Variants in MEF2A observed in about 807,000 individuals in gnomAD.
MEF2A encodes myocyte enhancer factor 2A, also known as myocyte-specific enhancer factor 2A.
A neutral mutation model predicts 55.8 loss-of-function variants in MEF2A; 28 were observed. That is an observed-to-expected ratio of 0.50 (90% confidence interval 0.37 to 0.69). MEF2A has a LOEUF of 0.69. MEF2A is among the 30% of genes least tolerant of loss of function. The pLI is 0.00. For synonymous variants in MEF2A, 239 were observed against 227.1 expected (o/e 1.05, Z -0.47); for missense variants, 528 against 626.2 (o/e 0.84, Z 1.67).
At chr15:99,636,803 CT>C (rs34219550) in intron 3 of MEF2A, among the ~76,000 whole-genome samples, 2 of 151,058 alleles carry the variant, frequency 1.3e-5, no homozygotes, top group African/African-American at 4.9e-5. Context: ...TGTAAGGACT[CT>C]TTTTTTTTAA....
At chr15:99,604,466 G>C (rs561475604) in intron 2 of MEF2A, among the ~76,000 whole-genome samples, 1 of 151,578 alleles carries the variant, frequency 6.6e-6, no homozygotes, top group South Asian at 2.1e-4. Context: ...TTTCATTTCT[G>C]GAAGTTTTAT....
At chr15:99,710,812 CT>C (rs2058562345) in intron 11 of MEF2A, 52 bp downstream of exon 11, 11 of 1,555,074 alleles carry the variant, frequency 7.1e-6, no homozygotes, top group Non-Finnish European at 9.7e-6. Flanking sequence ...TACACACTCT[CT>C]TTTCCTATCA....
intron 1 of MEF2A, among the ~76,000 whole-genome samples, chr15:99,567,084 T>C (rs972375674): frequency 4.6e-5 from 7 of 152,194 alleles, no homozygotes; most frequent in Admixed American, 4.6e-4. Flanking sequence ...AACTATAGAA[T>C]TGTTGCTCAC....
intron 8 of MEF2A, among the ~76,000 whole-genome samples, chr15:99,697,090 G>T (rs2056593661): frequency 6.6e-6 from 1 of 151,588 alleles, no homozygotes; most frequent in African/African-American, 2.4e-5. Context: ...TAATAGAAAG[G>T]AACTTAATAA....
At chr15:99,693,943 C>T (rs1173561281) in intron 8 of MEF2A, among the ~76,000 whole-genome samples, 1 of 152,202 alleles carries the variant, frequency 6.6e-6, no homozygotes, top group Non-Finnish European at 1.5e-5. Flanking sequence ...CCCCACACAT[C>T]ATTTTTTCTA....
intron 2 of MEF2A, among the ~76,000 whole-genome samples, chr15:99,614,010 A>T (rs999947498): frequency 1.3e-5 from 2 of 152,150 alleles, no homozygotes; most frequent in Non-Finnish European, 2.9e-5. Flanking sequence ...ATGTACTGTT[A>T]TGGAAAAAGA....
chr15:99,673,842 G>A (rs2051353699), intron 5 of MEF2A, among the ~76,000 whole-genome samples: 1 of 145,682 alleles, frequency 6.9e-6, no homozygotes, highest in African/African-American at 2.5e-5. Context: ...AAATTGCATT[G>A]TTATGTATAT....
intron 2 of MEF2A, 38 bp from the exon 3 acceptor site, chr15:99,632,940 T>G: frequency 2.0e-6 from 1 of 508,916 alleles, no homozygotes; most frequent in Non-Finnish European, 3.5e-6. Flanking sequence ...TTTGTAAACT[T>G]ACAGATTTTA....
chr15:99,674,594 C>A lies in MEF2A; in HGVS notation c.592C>A (p.Pro198Thr), dbSNP rs373867888. ...NVSPGAPQRPPSTGNAGGMLS... is the reference protein window; with the variant it reads ...NVSPGAPQRPTSTGNAGGMLS... ...GTCTCCTGGAGCTCCTCAGAGACCACCAAGTACTGGCAATGCAGGTATGTA... is the reference window on the plus strand; with the variant it reads ...GTCTCCTGGAGCTCCTCAGAGACCAACAAGTACTGGCAATGCAGGTATGTA... The change falls in exon 6 of 12, where the codon CCA becomes ACA. Residue 198 changes from proline to threonine, a missense_variant. This residue lies in a region of MEF2A where 450 missense variants were observed against 475.3 expected (regional missense o/e 0.95). Coordinates refer to ENST00000557942, the MANE Select transcript of MEF2A (RefSeq NM_001319206.4). 3.1e-6 allele frequency: 5 copies of A among 1,613,606 alleles called. No homozygotes were observed. The highest frequency in any genetic ancestry group is 3.4e-6 in the Non-Finnish European group (4 of 1,179,664).
intron 4 of MEF2A, among the ~76,000 whole-genome samples, chr15:99,651,319 G>A (rs2046813371): frequency 1.3e-5 from 2 of 152,164 alleles, no homozygotes; most frequent in Admixed American, 1.3e-4. Flanking sequence ...CCTTACAAAA[G>A]TAGAAGCATG....
intron 1 of MEF2A, among the ~76,000 whole-genome samples, chr15:99,594,463 T>C (rs1197603975): frequency 2.6e-4 from 16 of 61,600 alleles, no homozygotes; most frequent in South Asian, 7.5e-4. Flanking sequence ...TTCTTTCTTT[T>C]TTTTTTTTTT....
intron 1 of MEF2A, among the ~76,000 whole-genome samples, chr15:99,576,431 T>C (rs553551459): frequency 6.6e-6 from 1 of 152,282 alleles, no homozygotes; most frequent in East Asian, 1.9e-4. Context: ...GTCTTGAGCG[T>C]GGTTGATTTG....
intron 9 of MEF2A, among the ~76,000 whole-genome samples, chr15:99,704,865 G>A (rs538311844): frequency 3.9e-5 from 6 of 152,172 alleles, no homozygotes; most frequent in East Asian, 1.9e-4. Flanking sequence ...AATATATTCC[G>A]AACTGGCATA....
At position 99,712,819 on chromosome 15, in the gene MEF2A, C is replaced by T; in HGVS notation, c.*48C>T. On this transcript the variant is annotated 3_prime_UTR_variant, in exon 12 of 12. Coordinates refer to ENST00000557942, the MANE Select transcript of MEF2A (RefSeq NM_001319206.4). The surrounding 1 kb of genome is among the most constrained non-coding windows in gnomAD (Gnocchi z 4.1). ...CTTTTGTGTTACTGCAGTGACCTGC[C>T]CTACATATCTAAATCGGTAAATAAG... 1.3e-6 allele frequency: 2 copies of T among 1,522,848 alleles called. No homozygotes were observed. The highest frequency in any genetic ancestry group is 1.8e-6 in the Non-Finnish European group (2 of 1,127,954). 94.3% of individuals were successfully genotyped at this position (1,522,848 alleles called of 1,614,324 possible).
intron 2 of MEF2A, among the ~76,000 whole-genome samples, chr15:99,606,297 G>C (rs749243058): frequency 6.6e-6 from 1 of 152,014 alleles, no homozygotes; most frequent in Non-Finnish European, 1.5e-5. Context: ...ACTTTTGGAA[G>C]CTAATATAGA....
chr15:99,674,107 A>T (rs1245764679), intron 5 of MEF2A, among the ~76,000 whole-genome samples: 1 of 152,192 alleles, frequency 6.6e-6, no homozygotes, highest in Non-Finnish European at 1.5e-5. Flanking sequence ...CTACTTGATT[A>T]TCAGGTTTAT....
chr15:99,634,468 A>G (rs1309726660), intron 3 of MEF2A, among the ~76,000 whole-genome samples: 1 of 152,068 alleles, frequency 6.6e-6, no homozygotes, highest in Non-Finnish European at 1.5e-5. Flanking sequence ...AGTGTAGAGG[A>G]GGCATAGGGA....
intron 1 of MEF2A, among the ~76,000 whole-genome samples, chr15:99,595,986 A>G (rs1971036159): frequency 6.6e-6 from 1 of 152,036 alleles, no homozygotes; most frequent in African/African-American, 2.4e-5. Flanking sequence ...AGTGTATGAA[A>G]TTTGATGATA....
intron 1 of MEF2A, among the ~76,000 whole-genome samples, chr15:99,583,395 TC>T (rs1426313903): frequency 2.0e-5 from 3 of 152,158 alleles, no homozygotes; most frequent in Non-Finnish European, 2.9e-5. Flanking sequence ...TTGATAGACT[TC>T]GACACTTTAC....
Sources: gnomAD v4.1 joint callset for allele counts (sites outside exome capture counted in the v4.1 genomes callset) on GRCh38, gnomAD v4.1.1 for gene constraint, gnomAD v4.1.1 regional missense constraint, Gnocchi (gnomAD v3.1) non-coding constraint, MANE v1.5 for transcripts, NCBI Gene and HGNC (gene_info 2026-07-23, HGNC 2026-07-21) for gene names.